Variants in AURKA observed in about 807,000 individuals in gnomAD.
The protein encoded by AURKA is aurora 2.
Under a neutral mutation model 40.9 loss-of-function variants are expected in AURKA, and 12 were observed. The ratio of observed to expected loss-of-function variants is 0.29; its 90% CI spans 0.19 to 0.48. The LOEUF (loss-of-function observed/expected upper bound fraction) is 0.48, where lower values mean the gene tolerates loss of function less well. Ranked by LOEUF, AURKA falls within the 20% of genes least tolerant of loss-of-function variation. The probability of loss-of-function intolerance (pLI) is 0.99; values close to 1 mark genes in which losing one functional copy is unlikely to be tolerated. For missense variants in AURKA, 322 were observed against 462.1 expected (o/e 0.70, Z 2.78); for synonymous variants, 170 against 164.3 (o/e 1.03, Z -0.26).
chr20:56,387,011 C>T (rs1986458014), intron 2 of AURKA, among the ~76,000 whole-genome samples: 1 of 152,016 alleles, frequency 6.6e-6, no homozygotes, highest in African/African-American at 2.4e-5. Context: ...TTTCATATAT[C>T]GAAGATTTTC....
At chr20:56,386,054 G>T (rs1188228683) in intron 3 of AURKA, among the ~76,000 whole-genome samples, 1 of 152,194 alleles carries the variant, frequency 6.6e-6, no homozygotes, top group African/African-American at 2.4e-5. Context: ...TCTTCCAAGA[G>T]GGTGAGAATC....
chr20:56,383,574 C>G (rs1422461025), intron 4 of AURKA, among the ~76,000 whole-genome samples: 5 of 152,222 alleles, frequency 3.3e-5, no homozygotes, highest in Non-Finnish European at 7.3e-5. Flanking sequence ...GCTGCTCCCT[C>G]CAGTCCCAGA....
intron 6 of AURKA, among the ~76,000 whole-genome samples, chr20:56,380,875 T>C (rs771237038): frequency 1.3e-5 from 2 of 152,226 alleles, no homozygotes; most frequent in South Asian, 2.1e-4. Flanking sequence ...TATTGGTTCA[T>C]TGAATGTGAC....
At position 56,373,234 on chromosome 20, in the gene AURKA, C is replaced by T. The variant is rs1049866506; in HGVS notation, c.854+174G>A. The stretch of plus-strand genomic sequence containing the variant: ...AGCCCCAAATCTCCACAGAATAACA[C>T]TTTCTTGCAAACCCTAGTTTATTAT... On this transcript the variant is annotated intron_variant, in intron 7 of 8. Transcript: ENST00000395915. This position sits in a 1 kb window ranked among gnomAD's most constrained non-coding sequence, Gnocchi z 5.0. 6.6e-6 allele frequency among the ~76,000 whole-genome samples: 1 copy of T among 152,230 alleles called. No individual in the cohort carries two copies. Among genetic ancestry groups the T allele is most frequent in the African/African-American group, 2.4e-5 (1 of 41,456 alleles).
In AURKA at chr20:56,380,360, GA is replaced by G. The variant is rs58953054; in HGVS notation, c.705+1072del. Reference sequence around the variant, plus strand: ...ACAGAGTGAGACTCCGTCTCAAAAAGAAAAAAAAAAAAAAAGAAAGAAAAAA... The same window carrying G: ...ACAGAGTGAGACTCCGTCTCAAAAAGAAAAAAAAAAAAAAGAAAGAAAAAA... On this transcript the variant is annotated intron_variant, in intron 6 of 8. Transcript: ENST00000395915. Among the ~76,000 whole-genome samples the G allele has an allele frequency of 7.4e-3, 893 of 119,978 alleles. 25 individuals are homozygous for G. Among genetic ancestry groups the G allele is most frequent in the Admixed American group, 0.053 (651 of 12,274 alleles). 78.7% of individuals were successfully genotyped at this position (119,978 alleles called of 152,430 possible).
In AURKA at chr20:56,373,607, T is replaced by G; in HGVS notation, c.706-51A>C. ...TGTTTTAGATTTTATATAACACAAG[T>G]TAATATTAGACATCTCTTCCGAAAG... On this transcript the variant is annotated intron_variant, in intron 6 of 8. Coordinates refer to ENST00000395915, the MANE Select transcript of AURKA (RefSeq NM_198437.3). This position sits in a 1 kb window ranked among gnomAD's most constrained non-coding sequence, Gnocchi z 5.0. 3 of 1,590,788 alleles carry G rather than the reference T, an allele frequency of 1.9e-6. No individual in the cohort carries two copies. The South Asian group carries it at 3.3e-5, about 18-fold the overall frequency.
At chr20:56,387,989 G>C (rs556400527) in intron 2 of AURKA, among the ~76,000 whole-genome samples, 167 bp downstream of exon 2, 5 of 86,692 alleles carry the variant, frequency 5.8e-5, no homozygotes, top group Admixed American at 4.0e-4. Flanking sequence ...GCTACTCTAA[G>C]AAGCAGCAAA....
chr20:56,389,615 T>C (rs1047175795), intron 1 of AURKA, among the ~76,000 whole-genome samples: 1 of 152,128 alleles, frequency 6.6e-6, no homozygotes, highest in Non-Finnish European at 1.5e-5. Flanking sequence ...GATCTACATT[T>C]TCTACTTTCT....
intron 6 of AURKA, among the ~76,000 whole-genome samples, chr20:56,376,059 G>T (rs1015962013): frequency 2.6e-5 from 4 of 152,320 alleles, no homozygotes; most frequent in Admixed American, 2.6e-4. Flanking sequence ...TGGGTGTAAG[G>T]AGAGAAAACA....
intron 6 of AURKA, among the ~76,000 whole-genome samples, chr20:56,377,031 G>A (rs1483795258): frequency 6.6e-6 from 1 of 152,044 alleles, no homozygotes; most frequent in Non-Finnish European, 1.5e-5. Context: ...AGTGAGCTGA[G>A]AACCAAGATC....
Position 56,384,178 on chromosome 20 carries a change from A to AT in AURKA, c.374+91dup, listed in dbSNP as rs920226886. ...TCCTCTAAATGCAAATAAAGGCCTC[A>AT]TTTTTTTCCCCAGAGTTCCCACAAC... On this transcript the variant is annotated intron_variant, in intron 4 of 8. Transcript: ENST00000395915. The AT allele has an allele frequency of 3.9e-6, 4 of 1,021,556 alleles. No homozygotes were observed. In the African/African-American group the frequency reaches 4.8e-5, roughly 12 times the overall value. 63.3% of individuals were successfully genotyped at this position (1,021,556 alleles called of 1,614,324 possible).
chr20:56,386,580 A>G, intron 2 of AURKA, 47 bp from the exon 3 acceptor site: 2 of 1,605,452 alleles, frequency 1.2e-6, no homozygotes, highest in Non-Finnish European at 8.5e-7. Flanking sequence ...TGAAAGCAAA[A>G]GATGAATATA....
intron 6 of AURKA, among the ~76,000 whole-genome samples, chr20:56,380,172 T>G (rs989473631): frequency 2.0e-5 from 3 of 151,516 alleles, no homozygotes; most frequent in Non-Finnish European, 4.4e-5. Context: ...CTGGCCAATA[T>G]GGTGAAACCC....
rs2146122495 is a variant in AURKA at position 56,370,347 on chromosome 20, T to G, written c.1030-7A>C. 6.2e-7 allele frequency: 1 copy of G among 1,614,062 alleles called. No individual in the cohort carries two copies. The highest frequency in any genetic ancestry group is 1.3e-5 in the African/African-American group (1 of 74,996). On this transcript the variant is annotated splice_polypyrimidine_tract_variant and splice_region_variant and intron_variant, in intron 8 of 8. Transcript: ENST00000395915. ...CAGGGAATGTGAATTCAACCTGGAGTACAACAAATGATAAAATATCACAAA... is the reference window on the plus strand; with the variant it reads ...CAGGGAATGTGAATTCAACCTGGAGGACAACAAATGATAAAATATCACAAA...
rs1206595051 is a variant in AURKA, at chr20:56,373,691, C to T, written c.706-135G>A. 1 of 1,000,254 alleles carries T rather than the reference C, an allele frequency of 1.0e-6. No homozygotes were observed. Among genetic ancestry groups the T allele is most frequent in the Non-Finnish European group, 1.5e-6 (1 of 668,478 alleles). 62.0% of individuals were successfully genotyped at this position (1,000,254 alleles called of 1,614,324 possible). On this transcript the variant is annotated intron_variant, in intron 6 of 8. Coordinates refer to ENST00000395915, the MANE Select transcript of AURKA (RefSeq NM_198437.3). The surrounding 1 kb of genome is among the most constrained non-coding windows in gnomAD (Gnocchi z 5.0). ...TTTGGCCAGGCACAGTGGCTCACAC[C>T]TATAATCCCAACACTTTGGGGGACT...
chr20:56,371,118 T>G (rs577645783), intron 7 of AURKA, among the ~76,000 whole-genome samples: 91 of 152,230 alleles, frequency 6.0e-4, no homozygotes, highest in Non-Finnish European at 9.0e-4. Context: ...AGATACTTGG[T>G]ACGAGTGATG....
intron 1 of AURKA, among the ~76,000 whole-genome samples, chr20:56,391,407 C>A (rs1300169037): frequency 6.6e-6 from 1 of 152,230 alleles, no homozygotes; most frequent in East Asian, 1.9e-4. Flanking sequence ...ACAGATTCTG[C>A]ATTTTAACGT....
At chr20:56,387,737 TCAGA>T (rs1261864041) in intron 2 of AURKA, among the ~76,000 whole-genome samples, 1 of 152,236 alleles carries the variant, frequency 6.6e-6, no homozygotes, top group African/African-American at 2.4e-5. Flanking sequence ...CAGCAGGCAT[TCAGA>T]CAAAGACAAA....
Position 56,381,494 on chromosome 20 carries a change from A to G in AURKA, c.644T>C (p.Leu215Pro), listed in dbSNP as rs771934480. 12 of 1,613,874 alleles carry G rather than the reference A, an allele frequency of 7.4e-6. No homozygotes were observed. In the Admixed American group the frequency reaches 1.5e-4, roughly 20 times the overall value. The change falls in exon 6 of 9, where the codon CTT becomes CCT. Residue 215 changes from leucine to proline, a missense_variant. Physicochemically the swap from Leu to Pro is moderately conservative, Grantham distance 98. Coordinates refer to ENST00000395915, the MANE Select transcript of AURKA (RefSeq NM_198437.3). Reference sequence around the variant, plus strand: ...CTGAAGTTCTCTATAAACTGTTCCAAGTGGTGCATATTCCAGAATTAGGTA... The same window carrying G: ...CTGAAGTTCTCTATAAACTGTTCCAGGTGGTGCATATTCCAGAATTAGGTA... ...RVYLILEYAP[L>P]GTVYRELQKL...
Sources: allele counts gnomAD v4.1 joint callset (sites outside exome capture counted in the v4.1 genomes callset), GRCh38; gene constraint gnomAD v4.1.1; non-coding constraint Gnocchi (gnomAD v3.1); transcripts MANE v1.5; gene names NCBI Gene and HGNC (gene_info 2026-07-23, HGNC 2026-07-21).